DPYD: variants seen among roughly 807,000 people sequenced by gnomAD.
DPYD encodes dihydropyrimidine dehydrogenase [NADP(+)].
In DPYD, 109 loss-of-function variants were observed where a neutral mutation model predicts 116.2. The observed-to-expected ratio is 0.94, with a 90% CI of 0.80 to 1.10. The LOEUF (loss-of-function observed/expected upper bound fraction) is 1.10, where lower values mean the gene tolerates loss of function less well. Among genes scored for constraint, DPYD ranks in the 50% least tolerant of loss-of-function variants. DPYD has a pLI of 0.00. For synonymous variants in DPYD, 440 were observed against 432.0 expected (o/e 1.02, Z -0.23); for missense variants, 1,302 against 1,254.5 (o/e 1.04, Z -0.57).
Position 97,434,657 on chromosome 1 carries a change from T to A in DPYD, c.1905+15402A>T, listed in dbSNP as rs556918470. Among the ~76,000 whole-genome samples the A allele has an allele frequency of 1.3e-4, 20 of 152,004 alleles. 1 individual carries two copies. The highest frequency in any genetic ancestry group is 3.1e-4 in the African/African-American group (13 of 41,424). On this transcript the variant is annotated intron_variant, in intron 14 of 22. Coordinates refer to ENST00000370192, the MANE Select transcript of DPYD (RefSeq NM_000110.4). ...GCACCTCCACCAAAGGAAATGAAAATCCAGGTGAAAAGGAAAAGTAAATCA... is the reference window on the plus strand; with the variant it reads ...GCACCTCCACCAAAGGAAATGAAAAACCAGGTGAAAAGGAAAAGTAAATCA...
At chr1:97,676,485 G>A (rs1660151034) in intron 8 of DPYD, among the ~76,000 whole-genome samples, 1 of 152,104 alleles carries the variant, frequency 6.6e-6, no homozygotes, top group Non-Finnish European at 1.5e-5. Flanking sequence ...GGCTTACATT[G>A]TTACATGAGA....
At chr1:97,177,566 C>CT (rs77118571) in intron 20 of DPYD, among the ~76,000 whole-genome samples, 5,714 of 135,148 alleles carry the variant, frequency 0.042, 311 homozygotes, top group African/African-American at 0.13. Context: ...TTCTTTCTTT[C>CT]TTTTTTTTTT....
chr1:97,825,823 A>G (rs1344286422), intron 3 of DPYD, among the ~76,000 whole-genome samples: 2 of 152,160 alleles, frequency 1.3e-5, no homozygotes, highest in African/African-American at 4.8e-5. Context: ...AAGCTATGCC[A>G]GGCCAATGGA....
At chr1:97,501,605 G>T (rs1469097865) in intron 13 of DPYD, among the ~76,000 whole-genome samples, 5 of 151,956 alleles carry the variant, frequency 3.3e-5, no homozygotes. Context: ...TAGCTACTTG[G>T]GAGGCTGAGA....
chr1:97,487,403 G>A (rs1175939168), intron 13 of DPYD, among the ~76,000 whole-genome samples: 1 of 152,196 alleles, frequency 6.6e-6, no homozygotes, highest in African/African-American at 2.4e-5. Flanking sequence ...GCCAGGCGCG[G>A]TGGCTCACAT....
At chr1:97,547,544 C>A (rs974291550) in intron 12 of DPYD, among the ~76,000 whole-genome samples, 4 of 151,970 alleles carry the variant, frequency 2.6e-5, no homozygotes, top group Non-Finnish European at 4.4e-5. Flanking sequence ...TAGCCTAGTC[C>A]CTTTTGATGT....
chr1:97,606,941 C>T (rs960837765), intron 8 of DPYD, among the ~76,000 whole-genome samples: 1 of 151,860 alleles, frequency 6.6e-6, no homozygotes, highest in Non-Finnish European at 1.5e-5. Context: ...GCAACAATTT[C>T]ACTCAAAGAT....
intron 13 of DPYD, among the ~76,000 whole-genome samples, chr1:97,471,389 T>C (rs1052509694): frequency 6.6e-6 from 1 of 152,172 alleles, no homozygotes; most frequent in Non-Finnish European, 1.5e-5. Context: ...GATGTTGTGA[T>C]GGACCAGAGC....
intron 10 of DPYD, among the ~76,000 whole-genome samples, chr1:97,579,861 C>T (rs540734018): frequency 6.8e-4 from 104 of 152,238 alleles, no homozygotes; most frequent in African/African-American, 2.4e-3. Context: ...TTTCTTTTTA[C>T]ACAGTAGTGG....
rs190562993 is a variant in DPYD at position 97,583,599 on chromosome 1, T to C, written c.1128+9619A>G. Among the ~76,000 whole-genome samples, 258 of 151,818 alleles carry C rather than the reference T, an allele frequency of 1.7e-3. 2 individuals are homozygous for C. The highest frequency in any genetic ancestry group is 6.8e-4 in the Non-Finnish European group (46 of 67,974). The stretch of plus-strand genomic sequence containing the variant: ...GCCACCTGCTAATACTCTCGGATTC[T>C]AGTAATTTTTATTATTTTTTGCTTT... On this transcript the variant is annotated intron_variant, in intron 10 of 22. Transcript: ENST00000370192.
At chr1:97,723,607 C>T (rs1302427296) in intron 4 of DPYD, among the ~76,000 whole-genome samples, 1 of 151,484 alleles carries the variant, frequency 6.6e-6, no homozygotes, top group Non-Finnish European at 1.5e-5. Context: ...CAATGAAAAG[C>T]TTAATAAGTT....
intron 20 of DPYD, among the ~76,000 whole-genome samples, chr1:97,151,953 T>C (rs1655058971): frequency 6.6e-6 from 1 of 152,232 alleles, no homozygotes; most frequent in African/African-American, 2.4e-5. Flanking sequence ...TTGTCTAGTA[T>C]ATTTTATTAA....
intron 8 of DPYD, among the ~76,000 whole-genome samples, chr1:97,605,583 A>G (rs754081276): frequency 2.0e-5 from 3 of 152,052 alleles, no homozygotes; most frequent in Non-Finnish European, 4.4e-5. Context: ...TTTATAAATT[A>G]TCCAGTCTTG....
intron 14 of DPYD, among the ~76,000 whole-genome samples, chr1:97,421,370 G>A (rs182608681): frequency 7.4e-4 from 112 of 152,168 alleles, no homozygotes; most frequent in South Asian, 4.1e-4. Context: ...TTTCCCAAGA[G>A]AAACGTGAAA....
rs142856486 is a variant in DPYD at position 97,259,913 on chromosome 1, A to T, written c.2300-24919T>A. ...ACATATATACATAAAGTTACCTTTC[A>T]CCACTGTCATTCTTGGCAGATAAAA... On this transcript the variant is annotated intron_variant, in intron 18 of 22. Coordinates refer to ENST00000370192, the MANE Select transcript of DPYD (RefSeq NM_000110.4). Among the ~76,000 whole-genome samples, 52 of 152,264 alleles carry T rather than the reference A, an allele frequency of 3.4e-4. 1 individual carries two copies. The East Asian group carries it at 7.0e-3, about 20-fold the overall frequency.
At chr1:97,302,508 C>T (rs1049090695) in intron 18 of DPYD, among the ~76,000 whole-genome samples, 16 of 151,980 alleles carry the variant, frequency 1.1e-4, no homozygotes, top group African/African-American at 3.9e-4. Flanking sequence ...AGAAAAAGTG[C>T]TTCTAAAATA....
At chr1:97,306,522 T>G (rs929930418) in intron 16 of DPYD, among the ~76,000 whole-genome samples, 5 of 151,876 alleles carry the variant, frequency 3.3e-5, no homozygotes, top group African/African-American at 1.2e-4. Context: ...AAGGTTAAAT[T>G]CCTCAACAGA....
intron 18 of DPYD, among the ~76,000 whole-genome samples, chr1:97,271,361 T>C (rs565314483): frequency 1.3e-5 from 2 of 152,262 alleles, no homozygotes; most frequent in South Asian, 2.1e-4. Flanking sequence ...AAGAAGTTAA[T>C]TGCAGTATTC....
intron 8 of DPYD, among the ~76,000 whole-genome samples, chr1:97,669,183 C>G (rs1011602522): frequency 2.0e-5 from 3 of 152,120 alleles, no homozygotes; most frequent in Non-Finnish European, 4.4e-5. Flanking sequence ...AAGATGACAA[C>G]ACACATCAAG....
Sources: gnomAD v4.1 joint callset for allele counts (sites outside exome capture counted in the v4.1 genomes callset) on GRCh38, gnomAD v4.1.1 for gene constraint, MANE v1.5 for transcripts, NCBI Gene and HGNC (gene_info 2026-07-23, HGNC 2026-07-21) for gene names.